Variants in CAPN7 observed in about 807,000 individuals in gnomAD.
The protein encoded by CAPN7 is calpain-7.
Under a neutral mutation model 115.2 loss-of-function variants are expected in CAPN7, and 72 were observed. The observed-to-expected ratio is 0.63, with a 90% confidence interval of 0.52 to 0.76. CAPN7 has a LOEUF of 0.76. Among genes scored for constraint, CAPN7 ranks in the 30% least tolerant of loss-of-function variants. The pLI, the probability that CAPN7 is intolerant of heterozygous loss-of-function variation, is 0.00. For missense variants in CAPN7, 905 were observed against 971.5 expected (o/e 0.93, Z 0.91); for synonymous variants, 344 against 322.3 (o/e 1.07, Z -0.72).
chr3:15,229,248 G>A (rs967897766), intron 8 of CAPN7, among the ~76,000 whole-genome samples, 189 bp downstream of exon 8: 2 of 152,116 alleles, frequency 1.3e-5, no homozygotes, highest in Non-Finnish European at 2.9e-5. Context: ...ACCTATACAC[G>A]TAGTTAATAT....
At chr3:15,234,432 A>G (rs537106591) in intron 11 of CAPN7, among the ~76,000 whole-genome samples, 1 of 152,350 alleles carries the variant, frequency 6.6e-6, no homozygotes, top group East Asian at 1.9e-4. Flanking sequence ...TAGACTTCAC[A>G]TTATGTACTT....
At chr3:15,246,832 T>G in intron 18 of CAPN7, 38 bp downstream of exon 18, 1 of 1,398,000 alleles carries the variant, frequency 7.2e-7, no homozygotes, top group Non-Finnish European at 1.0e-6. Flanking sequence ...CAGCATTCTT[T>G]TAGAATTTTT....
At chr3:15,206,715 G>C in intron 1 of CAPN7, 118 bp downstream of exon 1, 2 of 718,820 alleles carry the variant, frequency 2.8e-6, no homozygotes, top group Non-Finnish European at 4.5e-6. Flanking sequence ...CTTTTCCCTC[G>C]TCCGCCTCCC....
At chr3:15,206,638 G>A (rs1374111156) in intron 1 of CAPN7, 41 bp downstream of exon 1, 4 of 1,440,986 alleles carry the variant, frequency 2.8e-6, no homozygotes, top group Middle Eastern at 2.0e-4. Context: ...TTGCTCAGTC[G>A]GAGTGCGGCC....
At chr3:15,245,046 T>C (rs1695575031) in intron 16 of CAPN7, among the ~76,000 whole-genome samples, 1 of 148,932 alleles carries the variant, frequency 6.7e-6, no homozygotes, top group Non-Finnish European at 1.5e-5. Context: ...AATCCATCAA[T>C]AGAAGGGAAT....
At position 15,250,543 on chromosome 3, in the gene CAPN7, ACCCCT is replaced by A. The variant is rs368338846; in HGVS notation, c.2205-387_2205-383del. Among the ~76,000 whole-genome samples, 1,098 of 152,206 alleles carry A rather than the reference ACCCCT, an allele frequency of 7.2e-3. 10 individuals carry two copies. The highest frequency in any genetic ancestry group is 0.023 in the African/African-American group (966 of 41,526). On this transcript the variant is annotated intron_variant, in intron 19 of 20. Coordinates refer to ENST00000253693, the MANE Select transcript of CAPN7 (RefSeq NM_014296.3). ...AAAATTTAGCCAGGCACAGTGGCAT[ACCCCT>A]GTAGTCCCAACTATTCAGAAGGCTG... is the stretch of plus-strand genomic sequence containing the variant.
rs146181080 is a variant in CAPN7 at position 15,242,531 on chromosome 3, A to G, written c.1864+278A>G. ...TAAATGATGTCTTTTACTCTAATCA[A>G]ATGTATTCTGTGGTTTTCCTTGAAC... On this transcript the variant is annotated intron_variant, in intron 16 of 20. Transcript: ENST00000253693. Among the ~76,000 whole-genome samples, 12 of 152,310 alleles carry G rather than the reference A, an allele frequency of 7.9e-5. No homozygotes were observed. In the East Asian group the frequency reaches 1.7e-3, roughly 22 times the overall value.
intron 12 of CAPN7, among the ~76,000 whole-genome samples, chr3:15,235,818 T>C (rs1559404147): frequency 6.6e-6 from 1 of 151,948 alleles, no homozygotes. Flanking sequence ...GGCCCGGGGG[T>C]TGGGGACCCC....
At chr3:15,214,710 C>CAGCCTGGA (rs2045145891) in intron 2 of CAPN7, among the ~76,000 whole-genome samples, 1 of 152,148 alleles carries the variant, frequency 6.6e-6, no homozygotes, top group South Asian at 2.1e-4. Context: ...GAGTAAGACC[C>CAGCCTGGA]TGTCTCGAAA....
At chr3:15,222,789 G>A (rs1317776412) in intron 5 of CAPN7, among the ~76,000 whole-genome samples, 1 of 152,144 alleles carries the variant, frequency 6.6e-6, no homozygotes, top group Admixed American at 6.5e-5. Context: ...AAATAAGGCT[G>A]TACATAGTCC....
Position 15,210,596 on chromosome 3 carries a change from C to CTTTTTTTT in CAPN7, c.103-1498_103-1491dup, listed in dbSNP as rs371169868. 2.3e-4 allele frequency among the ~76,000 whole-genome samples: 24 copies of CTTTTTTTT among 104,424 alleles called. 1 individual carries two copies. The highest frequency in any genetic ancestry group is 8.5e-4 in the African/African-American group (14 of 16,480). The allele number at this position is 104,424 out of a possible 152,430, so 68.5% of individuals were successfully genotyped here. ...TTTTCATTCCTTCCTTGCTTCCTTC[C>CTTTTTTTT]TTTTTTTTTTTTTTTTTGGACAGTA... On this transcript the variant is annotated intron_variant, in intron 1 of 20. Coordinates refer to ENST00000253693, the MANE Select transcript of CAPN7 (RefSeq NM_014296.3).
chr3:15,232,754 T>C (rs1485947170), intron 10 of CAPN7, 89 bp downstream of exon 10: 1 of 1,154,466 alleles, frequency 8.7e-7, no homozygotes, highest in Non-Finnish European at 1.2e-6. Flanking sequence ...AGTCTTTTTG[T>C]TTATAGGGAA....
intron 19 of CAPN7, 123 bp from the exon 20 acceptor site, chr3:15,250,808 A>T: frequency 1.5e-6 from 1 of 675,248 alleles, no homozygotes; most frequent in Non-Finnish European, 2.6e-6. Flanking sequence ...TAGAGTGTGT[A>T]TGTTTCTACT....
intron 19 of CAPN7, among the ~76,000 whole-genome samples, chr3:15,248,198 A>AT (rs1293957578): frequency 6.6e-6 from 1 of 152,014 alleles, no homozygotes; most frequent in African/African-American, 2.4e-5. Flanking sequence ...AAATAAATAA[A>AT]AATAAAAAAA....
chr3:15,210,770 G>C (rs1308360651), intron 1 of CAPN7: 1 of 1,288,602 alleles, frequency 7.8e-7, no homozygotes, highest in Non-Finnish European at 1.0e-6. Flanking sequence ...TGTTGCCCAG[G>C]CTGAAAACTG....
At position 15,246,772 on chromosome 3, in the gene CAPN7, C is replaced by T. The variant is rs866249469; in HGVS notation, c.2051C>T (p.Ser684Leu). ...ACSFTFSKIP[S>L]PYTLSKRING... ...AGCTTTACTTTTTCAAAGATTCCTT[C>T]ACCATACACCTTATCAAAACGGGTG... The change falls in exon 18 of 21, where the codon TCA (serine) becomes TTA (leucine). Residue 684 changes from serine (S) to leucine (L), a missense_variant. Around this residue, in one of 3 missense-constraint regions of CAPN7, gnomAD observed 620 missense variants for 703.4 expected, o/e 0.88. Coordinates refer to ENST00000253693, the MANE Select transcript of CAPN7 (RefSeq NM_014296.3). 6.2e-7 allele frequency: 1 copy of T among 1,605,872 alleles called. No individual in the cohort carries two copies. Among genetic ancestry groups the T allele is most frequent in the African/African-American group, 1.3e-5 (1 of 74,488 alleles).
At chr3:15,230,574 C>A in intron 9 of CAPN7, 39 bp downstream of exon 9, 1 of 1,167,694 alleles carries the variant, frequency 8.6e-7, no homozygotes, top group Non-Finnish European at 1.3e-6. Context: ...CCTTGTCTCT[C>A]TCCGTTCCCT....
At chr3:15,235,388 C>T (rs1484187285) in intron 12 of CAPN7, among the ~76,000 whole-genome samples, 1 of 152,158 alleles carries the variant, frequency 6.6e-6, no homozygotes, top group Non-Finnish European at 1.5e-5. Context: ...ACCTCTTTGT[C>T]TTTTCCATAA....
intron 6 of CAPN7, 124 bp from the exon 7 acceptor site, chr3:15,227,710 GTTATT>G (rs1694410521): frequency 2.2e-6 from 1 of 447,694 alleles, no homozygotes; most frequent in Admixed American, 4.5e-5. Context: ...TGACCAGAAG[GTTATT>G]TTAAGATAAT....
Sources: allele counts gnomAD v4.1 joint callset (sites outside exome capture counted in the v4.1 genomes callset), GRCh38; gene constraint gnomAD v4.1.1; regional missense constraint gnomAD v4.1.1; transcripts MANE v1.5; gene names NCBI Gene and HGNC (gene_info 2026-07-23, HGNC 2026-07-21).